The following CEP128 variants were observed in gnomAD, a reference collection of about 807,000 sequenced individuals.
The protein encoded by CEP128 is centrosomal protein 128, also known as centrosomal protein 128kDa.
Under a neutral mutation model 156.7 loss-of-function variants are expected in CEP128, and 132 were observed. The ratio of observed to expected loss-of-function variants is 0.84; its 90% confidence interval spans 0.73 to 0.97. The LOEUF (loss-of-function observed/expected upper bound fraction) is 0.97, where lower values mean the gene tolerates loss of function less well. Among genes scored for constraint, CEP128 ranks in the 50% least tolerant of loss-of-function variants. The pLI is 0.00. For synonymous variants in CEP128, 469 were observed against 448.9 expected, an observed-to-expected ratio of 1.04 and a Z score of -0.57; for missense variants, 1,252 against 1,281.9, an observed-to-expected ratio of 0.98 and a Z score of 0.36.
intron 13 of CEP128, among the ~76,000 whole-genome samples, chr14:80,795,297 A>G (rs757939626): frequency 1.3e-5 from 2 of 152,148 alleles, no homozygotes; most frequent in Non-Finnish European, 2.9e-5. Context: ...TCTGGATTTA[A>G]TTACCAATCT....
At chr14:80,610,724 A>G (rs1205926634) in intron 19 of CEP128, among the ~76,000 whole-genome samples, 5 of 152,174 alleles carry the variant, frequency 3.3e-5, no homozygotes, top group Non-Finnish European at 7.4e-5. Context: ...CTAGTGCAAA[A>G]TGACTTATGC....
chr14:80,603,894 C>T (rs1031965435), intron 19 of CEP128, among the ~76,000 whole-genome samples: 4 of 152,066 alleles, frequency 2.6e-5, no homozygotes, highest in Non-Finnish European at 1.5e-5. Flanking sequence ...CCTCCCCATA[C>T]CTTGTAAAGT....
chr14:80,538,264 C>G (rs991060364), intron 21 of CEP128, among the ~76,000 whole-genome samples: 1 of 151,890 alleles, frequency 6.6e-6, no homozygotes, highest in Admixed American at 6.6e-5. Flanking sequence ...CAACAGAGCA[C>G]AAAGCAGAAA....
chr14:80,708,407 G>T (rs1300062541), intron 19 of CEP128, among the ~76,000 whole-genome samples: 1 of 151,994 alleles, frequency 6.6e-6, no homozygotes, highest in East Asian at 1.9e-4. Flanking sequence ...TTAATAAGTT[G>T]TTTATATATT....
intron 14 of CEP128, among the ~76,000 whole-genome samples, chr14:80,787,008 G>A (rs553903658): frequency 1.2e-4 from 18 of 152,276 alleles, no homozygotes; most frequent in South Asian, 2.1e-4. Flanking sequence ...GTTCACTTCC[G>A]AAAGAATGTA....
At chr14:80,734,404 C>T (rs1898425161) in intron 19 of CEP128, among the ~76,000 whole-genome samples, 1 of 151,906 alleles carries the variant, frequency 6.6e-6, no homozygotes, top group Non-Finnish European at 1.5e-5. Flanking sequence ...CCTAGTTACT[C>T]TGCATTATTG....
downstream of CEP128, among the ~76,000 whole-genome samples, chr14:80,493,981 G>C (rs1165713055): frequency 6.6e-6 from 1 of 152,160 alleles, no homozygotes; most frequent in East Asian, 1.9e-4. Context: ...CTAAAGTTCT[G>C]CTTTTCCATG....
intron 8 of CEP128, among the ~76,000 whole-genome samples, chr14:80,886,136 G>A (rs1888786963): frequency 6.6e-6 from 1 of 152,104 alleles, no homozygotes; most frequent in African/African-American, 2.4e-5. Context: ...TATGTGAAAA[G>A]ACCAAACCTA....
At chr14:80,648,903 A>G (rs921415918) in intron 19 of CEP128, among the ~76,000 whole-genome samples, 3 of 152,114 alleles carry the variant, frequency 2.0e-5, no homozygotes, top group African/African-American at 7.2e-5. Context: ...GTAAAATATA[A>G]GCAGGTTTAC....
intron 13 of CEP128, among the ~76,000 whole-genome samples, chr14:80,817,836 G>A (rs1301189892): frequency 1.3e-5 from 2 of 150,552 alleles, no homozygotes; most frequent in Non-Finnish European, 3.0e-5. Flanking sequence ...AGTGGAGATC[G>A]CGCAACTACA....
intron 19 of CEP128, among the ~76,000 whole-genome samples, chr14:80,584,826 T>C (rs1566794134): frequency 6.6e-6 from 1 of 152,102 alleles, no homozygotes; most frequent in Non-Finnish European, 1.5e-5. Flanking sequence ...TGCTCTGCTC[T>C]TCTTATCAGC....
At position 80,836,211 on chromosome 14, in the gene CEP128, T is replaced by C; in HGVS notation, c.1051A>G (p.Arg351Gly). ...QDEQGEDWRF[R>G]RGVEREKQDL... ...GGTACAAATCTACTTTTACCTCTCC[T>C]AAATCTCCAGTCCTCCCCTTGTTCA... The change falls in exon 12 of 25, where the codon AGG becomes GGG. Residue 351 changes from arginine to glycine, a missense_variant. Arg to Gly is a moderately radical substitution (Grantham distance 125). Transcript: ENST00000555265. 1 of 1,613,982 alleles carries C rather than the reference T, an allele frequency of 6.2e-7. No homozygotes were observed. Among genetic ancestry groups the C allele is most frequent in the Non-Finnish European group, 8.5e-7 (1 of 1,179,898 alleles).
At chr14:80,646,943 C>T (rs1894657450) in intron 19 of CEP128, among the ~76,000 whole-genome samples, 1 of 140,880 alleles carries the variant, frequency 7.1e-6, no homozygotes, top group Admixed American at 7.5e-5. Flanking sequence ...TTTCAAAGAG[C>T]AATTTTTTAG....
chr14:80,893,159 A>T (rs1595556978), intron 8 of CEP128, among the ~76,000 whole-genome samples: 2 of 152,026 alleles, frequency 1.3e-5, no homozygotes, highest in African/African-American at 2.4e-5. Flanking sequence ...AAAGAATGAG[A>T]TCTTTTCATT....
chr14:80,870,966 AAAG>A (rs1887997086), intron 8 of CEP128, among the ~76,000 whole-genome samples: 2 of 152,054 alleles, frequency 1.3e-5, no homozygotes, highest in Admixed American at 1.3e-4. Context: ...TCAAAAAAAA[AAAG>A]TCCTGTTCAC....
At chr14:80,779,231 CAT>C (rs1377328778) in intron 15 of CEP128, among the ~76,000 whole-genome samples, 1 of 152,006 alleles carries the variant, frequency 6.6e-6, no homozygotes, top group Non-Finnish European at 1.5e-5. Context: ...ATAAGTTTAT[CAT>C]ATGAGTTTAA....
chr14:80,619,707 TAAA>T (rs200840072), intron 19 of CEP128, among the ~76,000 whole-genome samples: 13 of 99,378 alleles, frequency 1.3e-4, no homozygotes, highest in Non-Finnish European at 1.5e-4. Flanking sequence ...TGTCTCAAGT[TAAA>T]AAAAAAAAAA....
chr14:80,594,636 A>C, intron 19 of CEP128, among the ~76,000 whole-genome samples: 1 of 152,194 alleles, frequency 6.6e-6, no homozygotes, highest in African/African-American at 2.4e-5. Context: ...AAAAAAACAA[A>C]CAACCCCATC....
At chr14:80,883,845 T>C (rs1439110160) in intron 8 of CEP128, among the ~76,000 whole-genome samples, 1 of 152,076 alleles carries the variant, frequency 6.6e-6, no homozygotes, top group Non-Finnish European at 1.5e-5. Context: ...ACAGCTATAG[T>C]AACCAAAACA....
Sources: gnomAD v4.1 joint callset for allele counts (sites outside exome capture counted in the v4.1 genomes callset) on GRCh38, gnomAD v4.1.1 for gene constraint, MANE v1.5 for transcripts, NCBI Gene and HGNC (gene_info 2026-07-23, HGNC 2026-07-21) for gene names.